Variants in KCNAB1 observed in about 807,000 individuals in gnomAD.
The protein encoded by KCNAB1 is voltage-gated potassium channel subunit beta-1.
KCNAB1 carries 35 observed loss-of-function variants against 64.6 expected under a neutral mutation model. That is an observed-to-expected ratio of 0.54 (90% CI 0.41 to 0.72). The LOEUF (loss-of-function observed/expected upper bound fraction) is 0.72. KCNAB1 is among the 30% of genes least tolerant of loss of function. The pLI is 0.00. For missense variants in KCNAB1, 401 were observed against 512.9 expected, an observed-to-expected ratio of 0.78 and a Z score of 2.11; for synonymous variants, 177 against 183.8, an observed-to-expected ratio of 0.96 and a Z score of 0.30.
intron 1 of KCNAB1, among the ~76,000 whole-genome samples, chr3:156,290,593 G>A (rs1720344098): frequency 6.6e-6 from 1 of 152,166 alleles, no homozygotes; most frequent in South Asian, 2.1e-4. Flanking sequence ...GAGTCCCCAG[G>A]GATGTCCTAC....
chr3:156,317,974 G>T (rs1298600925), intron 1 of KCNAB1, among the ~76,000 whole-genome samples: 1 of 152,166 alleles, frequency 6.6e-6, no homozygotes, highest in African/African-American at 2.4e-5. Context: ...CAGGTAGTTA[G>T]ATATCTAAGA....
chr3:156,158,164 C>G (rs889313924), intron 1 of KCNAB1, among the ~76,000 whole-genome samples: 1 of 42,878 alleles, frequency 2.3e-5, no homozygotes, highest in Non-Finnish European at 4.9e-5. Context: ...AACTCTGTCT[C>G]AAAAAAAAAA....
At chr3:156,449,533 A>AAAT (rs1204783145) in intron 2 of KCNAB1, among the ~76,000 whole-genome samples, 32 of 152,368 alleles carry the variant, frequency 2.1e-4, no homozygotes, top group Middle Eastern at 3.4e-3. Flanking sequence ...AATAGACTTC[A>AAAT]GTACCGTTTT....
rs553453035 is a variant in KCNAB1, at chr3:156,204,601, C to T, written c.275+83715C>T. Among the ~76,000 whole-genome samples the T allele has an allele frequency of 7.2e-5, 11 of 151,810 alleles. No homozygotes were observed. In the South Asian group the frequency reaches 1.2e-3, roughly 17 times the overall value. The stretch of plus-strand genomic sequence containing the variant: ...ATCTCAGCACTTTGGGAGGCCGAGG[C>T]GGGTGGATCACTTGAGGCCAGGAAT... On this transcript the variant is annotated intron_variant, in intron 1 of 13. Transcript: ENST00000490337.
At chr3:156,143,149 A>G (rs185923286) in intron 1 of KCNAB1, 55 of 1,557,780 alleles carry the variant, frequency 3.5e-5, no homozygotes, top group African/African-American at 1.5e-4. Context: ...GCACCGTGCA[A>G]TTAGCTTTGC....
intron 1 of KCNAB1, among the ~76,000 whole-genome samples, chr3:156,326,147 A>T (rs528088818): frequency 1.3e-5 from 2 of 152,128 alleles, no homozygotes; most frequent in African/African-American, 4.8e-5. Flanking sequence ...TGCATCTCTG[A>T]CTTGCTTATT....
chr3:156,451,589 C>T (rs1392705360), intron 2 of KCNAB1, among the ~76,000 whole-genome samples: 3 of 150,092 alleles, frequency 2.0e-5, no homozygotes, highest in African/African-American at 5.0e-5. Flanking sequence ...AGTGTTCTTC[C>T]ATAAATGGTA....
chr3:156,218,022 A>ACT, intron 1 of KCNAB1: 1 of 152,386 alleles, frequency 6.6e-6, no homozygotes. Context: ...GAACAGAATC[A>ACT]CTGCTGCAGG....
At chr3:156,479,250 G>A (rs1395630767) in intron 8 of KCNAB1, among the ~76,000 whole-genome samples, 1 of 152,072 alleles carries the variant, frequency 6.6e-6, no homozygotes, top group Admixed American at 6.6e-5. Context: ...TATGCTCTAT[G>A]AAGCTCATAT....
intron 1 of KCNAB1, among the ~76,000 whole-genome samples, chr3:156,322,555 A>G (rs541183359): frequency 6.6e-6 from 1 of 152,340 alleles, no homozygotes; most frequent in African/African-American, 2.4e-5. Context: ...GTTGTATGCA[A>G]ATACTACACC....
chr3:156,191,222 C>T (rs1331148389), intron 1 of KCNAB1, among the ~76,000 whole-genome samples: 1 of 152,246 alleles, frequency 6.6e-6, no homozygotes, highest in Non-Finnish European at 1.5e-5. Flanking sequence ...CAACAGTTTG[C>T]TTTGCCTGTG....
chr3:156,139,732 G>A (rs536365074), intron 1 of KCNAB1, among the ~76,000 whole-genome samples: 1 of 151,980 alleles, frequency 6.6e-6, no homozygotes, highest in Non-Finnish European at 1.5e-5. Flanking sequence ...GCTATTGGGA[G>A]TTTAAAATTA....
intron 1 of KCNAB1, among the ~76,000 whole-genome samples, chr3:156,206,515 G>T (rs1018462570): frequency 6.6e-6 from 1 of 152,196 alleles, no homozygotes; most frequent in Admixed American, 6.5e-5. Context: ...AGAAACATCA[G>T]TGAACCCCCA....
chr3:156,294,444 T>C (rs759810474), intron 1 of KCNAB1, among the ~76,000 whole-genome samples: 1 of 152,132 alleles, frequency 6.6e-6, no homozygotes, highest in Non-Finnish European at 1.5e-5. Flanking sequence ...AAGGAGATTA[T>C]GAGATTATGC....
At chr3:156,420,324 A>G (rs942759949) in intron 1 of KCNAB1, among the ~76,000 whole-genome samples, 14 of 152,242 alleles carry the variant, frequency 9.2e-5, no homozygotes, top group Admixed American at 3.3e-4. Flanking sequence ...AGGTCACCCA[A>G]CTAGTTGTGA....
At chr3:156,159,893 T>TA (rs1352445686) in intron 1 of KCNAB1, among the ~76,000 whole-genome samples, 1 of 152,242 alleles carries the variant, frequency 6.6e-6, no homozygotes, top group Non-Finnish European at 1.5e-5. Flanking sequence ...TCACTGAGTT[T>TA]ACAACAGTAA....
At chr3:156,155,062 A>G (rs993959196) in intron 1 of KCNAB1, among the ~76,000 whole-genome samples, 4 of 152,236 alleles carry the variant, frequency 2.6e-5, no homozygotes, top group Admixed American at 2.6e-4. Context: ...ACAAGATGGA[A>G]AAACAGGTTC....
chr3:156,322,624 C>T (rs1722736684), intron 1 of KCNAB1, among the ~76,000 whole-genome samples: 1 of 152,106 alleles, frequency 6.6e-6, no homozygotes, highest in Non-Finnish European at 1.5e-5. Context: ...TGCACAGAGA[C>T]CGAGAGATGA....
At chr3:156,383,229 G>A (rs1935114433) in intron 1 of KCNAB1, among the ~76,000 whole-genome samples, 1 of 152,158 alleles carries the variant, frequency 6.6e-6, no homozygotes, top group South Asian at 2.1e-4. Flanking sequence ...ACATTCCCAA[G>A]GGTCAATTCA....
Sources: gnomAD v4.1 joint callset for allele counts (sites outside exome capture counted in the v4.1 genomes callset) on GRCh38, gnomAD v4.1.1 for gene constraint, MANE v1.5 for transcripts, NCBI Gene and HGNC (gene_info 2026-07-23, HGNC 2026-07-21) for gene names.